The following CMKLR1 variants were observed in gnomAD, a reference collection of about 807,000 sequenced individuals.
CMKLR1 encodes chemerin chemokine-like receptor 1, also known as chemerin-like receptor 1.
Under a neutral mutation model 8.2 loss-of-function variants are expected in CMKLR1, and 6 were observed. That is an observed-to-expected ratio of 0.73 (90% confidence interval 0.40 to 1.44). The LOEUF (loss-of-function observed/expected upper bound fraction) is 1.44, where lower values mean the gene tolerates loss of function less well. Among genes scored for constraint, CMKLR1 ranks in the 40% most tolerant of loss-of-function variants. The pLI is 0.02. For missense variants in CMKLR1, 429 were observed against 478.0 expected (o/e 0.90, Z 0.96); for synonymous variants, 178 against 181.2 (o/e 0.98, Z 0.14).
At chr12:108,319,577 C>T (rs976123598) in intron 2 of CMKLR1, among the ~76,000 whole-genome samples, 2 of 152,116 alleles carry the variant, frequency 1.3e-5, no homozygotes, top group Admixed American at 6.6e-5. Flanking sequence ...AAGTACATAC[C>T]TCATAAATAA....
At position 108,335,984 on chromosome 12, in the gene CMKLR1, C is replaced by T. The variant is rs117215474; in HGVS notation, c.-287+3043G>A. Among the ~76,000 whole-genome samples, 95 of 152,334 alleles carry T rather than the reference C, an allele frequency of 6.2e-4. 1 individual carries two copies. The East Asian group carries it at 0.017, about 27-fold the overall frequency. ...AAGTTTCGCTTCTTCTCTGCCAAAC[C>T]TTCTGGCCTCAACTGCTGACACGGA... On this transcript the variant is annotated intron_variant, in intron 1 of 3. Coordinates refer to ENST00000550402, the MANE Select transcript of CMKLR1 (RefSeq NM_001142343.2).
At chr12:108,294,993 C>T (rs76455207) in intron 2 of CMKLR1, among the ~76,000 whole-genome samples, 2 of 152,330 alleles carry the variant, frequency 1.3e-5, no homozygotes, top group South Asian at 4.1e-4. Flanking sequence ...ACAATCAAAG[C>T]TTGGGTGTTA....
chr12:108,296,013 C>A (rs1045526012), intron 2 of CMKLR1, among the ~76,000 whole-genome samples: 3 of 152,164 alleles, frequency 2.0e-5, no homozygotes, highest in African/African-American at 7.2e-5. Flanking sequence ...ATTCGTGTCC[C>A]CTGTTGGTGC....
At chr12:108,308,942 T>G (rs971298423) in intron 2 of CMKLR1, among the ~76,000 whole-genome samples, 6 of 152,178 alleles carry the variant, frequency 3.9e-5, no homozygotes, top group Non-Finnish European at 4.4e-5. Context: ...GGGTGACAGA[T>G]GCTAAACAGT....
chr12:108,293,509 C>T, intron 3 of CMKLR1, 80 bp downstream of exon 3: 2 of 1,472,282 alleles, frequency 1.4e-6, no homozygotes, highest in South Asian at 1.2e-5. Context: ...AGTGGACAGC[C>T]TTGTTGTGAT....
In CMKLR1 at chr12:108,327,562, T is replaced by C. The variant is rs554460826; in HGVS notation, c.-74+2433A>G. On this transcript the variant is annotated intron_variant, in intron 2 of 3. Coordinates refer to ENST00000550402, the MANE Select transcript of CMKLR1 (RefSeq NM_001142343.2). ...TCATCTCTCTGGGCCTCCATTTCCC[T>C]GGCTATAAAATAGGACTGTTTTTCC... Among the ~76,000 whole-genome samples the C allele has an allele frequency of 6.6e-5, 10 of 152,364 alleles. 3 individuals are homozygous for C. Among genetic ancestry groups the C allele is most frequent in the African/African-American group, 2.4e-4 (10 of 41,578 alleles).
At chr12:108,314,517 C>T (rs1490150911) in intron 2 of CMKLR1, among the ~76,000 whole-genome samples, 1 of 152,140 alleles carries the variant, frequency 6.6e-6, no homozygotes, top group Non-Finnish European at 1.5e-5. Context: ...CAGCACTGCC[C>T]CAAACTGCAA....
At position 108,290,420 on chromosome 12, in the gene CMKLR1, G is replaced by T. The variant is rs1280381929; in HGVS notation, c.*1421C>A. The T allele has an allele frequency of 6.6e-6, 1 of 152,214 alleles. No individual in the cohort carries two copies. The highest frequency in any genetic ancestry group is 1.5e-5 in the Non-Finnish European group (1 of 68,038). The allele number at this position is 152,214 out of a possible 1,614,324, so 9.4% of individuals were successfully genotyped here. A position where few individuals can be genotyped will look rare whatever the true frequency, so the allele number is the denominator to read the frequency against. On this transcript the variant is annotated 3_prime_UTR_variant, in exon 4 of 4. Transcript: ENST00000550402. ...CTCAGGGTTGCTGTAATGATTAAATGAGAAAACATATGTAAAGTGCATAAT... is the reference window on the plus strand; with the variant it reads ...CTCAGGGTTGCTGTAATGATTAAATTAGAAAACATATGTAAAGTGCATAAT...
chr12:108,295,574 G>T (rs1290489000), intron 2 of CMKLR1, among the ~76,000 whole-genome samples: 2 of 152,252 alleles, frequency 1.3e-5, no homozygotes, highest in Non-Finnish European at 2.9e-5. Context: ...CCCAGAGGAG[G>T]GGCTGTTACC....
intron 2 of CMKLR1, among the ~76,000 whole-genome samples, chr12:108,316,000 C>T (rs7980352): frequency 0.026 from 3,892 of 152,270 alleles, 185 homozygotes; most frequent in African/African-American, 0.089. Context: ...GACCCTGCGC[C>T]TCAGCCCAGC....
At chr12:108,311,013 G>A (rs550384116) in intron 2 of CMKLR1, among the ~76,000 whole-genome samples, 2 of 151,268 alleles carry the variant, frequency 1.3e-5, no homozygotes, top group Admixed American at 1.3e-4. Flanking sequence ...GCAGTCTCTG[G>A]GGTCTGGTGC....
chr12:108,302,033 C>T (rs114736134), intron 2 of CMKLR1, among the ~76,000 whole-genome samples: 5 of 152,272 alleles, frequency 3.3e-5, no homozygotes, highest in East Asian at 1.9e-4. Context: ...TGCTATCTAG[C>T]GTACTCAAGG....
intron 2 of CMKLR1, among the ~76,000 whole-genome samples, chr12:108,318,294 A>G (rs908381500): frequency 3.9e-5 from 6 of 152,216 alleles, no homozygotes; most frequent in African/African-American, 1.4e-4. Context: ...ATGGGCTTTA[A>G]GCACTCCCTT....
intron 2 of CMKLR1, among the ~76,000 whole-genome samples, chr12:108,310,451 T>C (rs1891525040): frequency 6.6e-6 from 1 of 152,270 alleles, no homozygotes; most frequent in East Asian, 1.9e-4. Flanking sequence ...CTTCTGCCAG[T>C]TCCAGGCCTA....
intron 2 of CMKLR1, among the ~76,000 whole-genome samples, chr12:108,326,370 T>G (rs966903704): frequency 6.6e-6 from 1 of 152,152 alleles, no homozygotes; most frequent in African/African-American, 2.4e-5. Flanking sequence ...GGCATCCTGC[T>G]CCCAAAACTT....
chr12:108,296,424 T>A (rs1891136793), intron 2 of CMKLR1, among the ~76,000 whole-genome samples: 1 of 152,206 alleles, frequency 6.6e-6, no homozygotes, highest in Non-Finnish European at 1.5e-5. Flanking sequence ...CTTAACTCCC[T>A]TCTAAAATGG....
In CMKLR1 at chr12:108,291,798, T is replaced by C; in HGVS notation, c.*43A>G. 6.4e-7 allele frequency: 1 copy of C among 1,563,736 alleles called. No individual in the cohort carries two copies. Among genetic ancestry groups the C allele is most frequent in the Non-Finnish European group, 8.6e-7 (1 of 1,156,148 alleles). On this transcript the variant is annotated 3_prime_UTR_variant, in exon 4 of 4. Coordinates refer to ENST00000550402, the MANE Select transcript of CMKLR1 (RefSeq NM_001142343.2). ...TCTTCAGAAGACATATCCTTGGGTG[T>C]CCCTGGGTTGAGAGAGTCCATTGAG...
At chr12:108,301,236 C>G (rs996239218) in intron 2 of CMKLR1, among the ~76,000 whole-genome samples, 4 of 151,914 alleles carry the variant, frequency 2.6e-5, no homozygotes, top group African/African-American at 9.7e-5. Context: ...CCACCACGCC[C>G]AGCTAACTTT....
chr12:108,299,820 G>T (rs973356421), intron 2 of CMKLR1, among the ~76,000 whole-genome samples: 2 of 152,136 alleles, frequency 1.3e-5, no homozygotes, highest in African/African-American at 4.8e-5. Flanking sequence ...CACGACCCTT[G>T]ATTTCAGAGT....
Sources: gnomAD v4.1 joint callset for allele counts (sites outside exome capture counted in the v4.1 genomes callset) on GRCh38, gnomAD v4.1.1 for gene constraint, MANE v1.5 for transcripts, NCBI Gene and HGNC (gene_info 2026-07-23, HGNC 2026-07-21) for gene names.